Variants in KLF8 observed in about 807,000 individuals in gnomAD.
The protein encoded by KLF8 is Krueppel-like factor 8.
KLF8 carries 10 observed loss-of-function variants against 18.2 expected under a neutral mutation model. The observed-to-expected ratio is 0.55, with a 90% CI of 0.34 to 0.93. The LOEUF is 0.93. KLF8 is among the 40% of genes least tolerant of loss of function. The pLI, the probability that KLF8 is intolerant of heterozygous loss-of-function variation, is 0.02. For synonymous variants in KLF8, 109 were observed against 97.3 expected, an observed-to-expected ratio of 1.12 and a Z score of -0.71; for missense variants, 264 against 277.9, an observed-to-expected ratio of 0.95 and a Z score of 0.36.
At chrX:56,273,520 C>T (rs2067083587) in intron 5 of KLF8, among the ~76,000 whole-genome samples, 1 of 109,369 alleles carries the variant, frequency 9.1e-6, no homozygotes, top group Non-Finnish European at 1.9e-5. Context: ...ATCCTTTTAC[C>T]TCTATCTATG....
At chrX:56,004,010 A>G in the KLF8 span, among the ~76,000 whole-genome samples, 1 of 111,761 alleles carries the variant, frequency 8.9e-6, no homozygotes, top group Non-Finnish European at 1.9e-5. Context: ...CCTTTCTGTC[A>G]CCCTTATTAA....
At chrX:56,146,447 G>A in the KLF8 span, among the ~76,000 whole-genome samples, 132 of 111,338 alleles carry the variant, frequency 1.2e-3, no homozygotes, top group African/African-American at 4.2e-3. Context: ...TCATTCTCAG[G>A]AAACTAACAC....
At chrX:55,908,407 T>C in the KLF8 span, 1 of 294,835 alleles carries the variant, frequency 3.4e-6, no homozygotes, top group East Asian at 4.8e-5. Flanking sequence ...CAGAATGGTG[T>C]AGTAGTAGAT....
chrX:56,049,391 T>C, the KLF8 span, among the ~76,000 whole-genome samples: 5 of 111,306 alleles, frequency 4.5e-5, no homozygotes, highest in East Asian at 1.1e-3. Flanking sequence ...CAGTATGATA[T>C]TGGCTGTGGG....
the KLF8 span, among the ~76,000 whole-genome samples, chrX:56,164,729 C>CTTTTTTTTTTTTTTTTTTCTTTTTTTTT: frequency 1.9e-5 from 1 of 51,920 alleles, no homozygotes; most frequent in African/African-American, 8.6e-5. Context: ...CTTGTTATCT[C>CTTTTTTTTTTTTTTTTTTCTTTTTTTTT]TTTTTTTTTT....
chrX:55,972,442 T>TAGCA, the KLF8 span, among the ~76,000 whole-genome samples: 1 of 108,002 alleles, frequency 9.3e-6, no homozygotes, highest in Non-Finnish European at 1.9e-5. Context: ...GTACAACAAA[T>TAGCA]AGAAAGAATA....
At chrX:55,975,385 A>G in the KLF8 span, among the ~76,000 whole-genome samples, 2 of 110,818 alleles carry the variant, frequency 1.8e-5, no homozygotes, top group Non-Finnish European at 1.9e-5. Flanking sequence ...ACAAATAAGG[A>G]ATGTATAATA....
chrX:55,972,009 A>C, the KLF8 span, among the ~76,000 whole-genome samples: 4 of 110,933 alleles, frequency 3.6e-5, no homozygotes, highest in Non-Finnish European at 5.7e-5. Context: ...TCTCCATAAA[A>C]TCCATAAAAT....
the KLF8 span, among the ~76,000 whole-genome samples, chrX:56,067,558 C>T: frequency 9.0e-6 from 1 of 111,276 alleles, no homozygotes; most frequent in African/African-American, 3.3e-5. Context: ...CAGGATCCAT[C>T]AATGCAGCAG....
the KLF8 span, among the ~76,000 whole-genome samples, chrX:55,990,627 G>C: frequency 9.0e-6 from 1 of 111,555 alleles, no homozygotes; most frequent in Non-Finnish European, 1.9e-5. Flanking sequence ...CCATCTTTGT[G>C]GTTTTATCTA....
chrX:56,043,679 GC>G, the KLF8 span, among the ~76,000 whole-genome samples: 3 of 112,023 alleles, frequency 2.7e-5, no homozygotes, highest in African/African-American at 9.7e-5. Flanking sequence ...CTCGAAACTG[GC>G]TATTCAGGCT....
At chrX:56,054,159 T>A in the KLF8 span, among the ~76,000 whole-genome samples, 1 of 110,672 alleles carries the variant, frequency 9.0e-6, no homozygotes, top group Non-Finnish European at 1.9e-5. Flanking sequence ...TGACACGGAG[T>A]CTCTCTCTGT....
the KLF8 span, among the ~76,000 whole-genome samples, chrX:55,937,828 G>T: frequency 9.0e-6 from 1 of 111,551 alleles, no homozygotes; most frequent in East Asian, 2.8e-4. Flanking sequence ...TAGAGTAAAA[G>T]AAATAAAAAG....
At chrX:55,927,395 T>G in the KLF8 span, among the ~76,000 whole-genome samples, 1 of 112,056 alleles carries the variant, frequency 8.9e-6, no homozygotes, top group Non-Finnish European at 1.9e-5. Flanking sequence ...TGCACATATG[T>G]GAGAGTTTTT....
the KLF8 span, among the ~76,000 whole-genome samples, chrX:56,164,746 T>TA: frequency 1.2e-4 from 8 of 64,736 alleles, no homozygotes; most frequent in East Asian, 4.5e-4. Flanking sequence ...TTTTTTTTTT[T>TA]TTAACTTTTT....
intron 1 of KLF8, among the ~76,000 whole-genome samples, chrX:56,246,022 C>T (rs2066618439): frequency 8.9e-6 from 1 of 111,995 alleles, no homozygotes; most frequent in Non-Finnish European, 1.9e-5. Flanking sequence ...GTCATTCCTA[C>T]CAATATTTAG....
chrX:55,988,576 C>A, the KLF8 span, among the ~76,000 whole-genome samples: 2 of 111,499 alleles, frequency 1.8e-5, no homozygotes, highest in African/African-American at 6.5e-5. Context: ...TGTTTTGGTA[C>A]CAGTACCATG....
the KLF8 span, among the ~76,000 whole-genome samples, chrX:56,091,147 G>C: frequency 9.0e-6 from 1 of 110,987 alleles, no homozygotes; most frequent in Non-Finnish European, 1.9e-5. Flanking sequence ...CCCACATGTC[G>C]AGGGTGGGAC....
At chrX:56,196,667 T>G in the KLF8 span, among the ~76,000 whole-genome samples, 2 of 111,559 alleles carry the variant, frequency 1.8e-5, no homozygotes, top group Non-Finnish European at 1.9e-5. Flanking sequence ...AACACTCCAC[T>G]GTCAATATTG....
Sources: gnomAD v4.1 joint callset for allele counts (sites outside exome capture counted in the v4.1 genomes callset) on GRCh38, gnomAD v4.1.1 for gene constraint, MANE v1.5 for transcripts, NCBI Gene and HGNC (gene_info 2026-07-23, HGNC 2026-07-21) for gene names.